Variants in NEMP2 observed in about 807,000 individuals in gnomAD.
NEMP2 encodes nuclear envelope integral membrane protein 2, also known as UPF0571 transmembrane protein.
Under a neutral mutation model 54.2 loss-of-function variants are expected in NEMP2, and 53 were observed. The ratio of observed to expected loss-of-function variants is 0.98; its 90% CI spans 0.78 to 1.23. The LOEUF is 1.23. Ranked by LOEUF, NEMP2 falls within the 50% of genes most tolerant of loss-of-function variation. The pLI is 0.00. For synonymous variants in NEMP2, 197 were observed against 190.3 expected, an observed-to-expected ratio of 1.04 and a Z score of -0.29; for missense variants, 455 against 511.3, an observed-to-expected ratio of 0.89 and a Z score of 1.06.
chr2:190,428,843 T>TTGTA, the NEMP2 span, among the ~76,000 whole-genome samples: 12 of 151,948 alleles, frequency 7.9e-5, no homozygotes, highest in Admixed American at 7.9e-4. Flanking sequence ...TGGCTAATTT[T>TTGTA]TTTAGTTTTA....
At chr2:190,461,971 A>G in the NEMP2 span, among the ~76,000 whole-genome samples, 1 of 151,984 alleles carries the variant, frequency 6.6e-6, no homozygotes, top group African/African-American at 2.4e-5. The surrounding 1 kb of genome is among the most constrained non-coding windows in gnomAD (Gnocchi z 5.5). Flanking sequence ...TTTTTTCCCT[A>G]CCACTTAAAT....
At position 190,507,910 on chromosome 2, in the gene NEMP2, T is replaced by A. The variant is rs1690232855; in HGVS notation, c.*1279A>T. 6.6e-6 allele frequency: 1 copy of A among 152,232 alleles called. No individual in the cohort carries two copies. The highest frequency in any genetic ancestry group is 6.5e-5 in the Admixed American group (1 of 15,286). The allele number at this position is 152,232 out of a possible 1,614,324, so 9.4% of individuals were successfully genotyped here. On this transcript the variant is annotated 3_prime_UTR_variant, in exon 9 of 9. Coordinates refer to ENST00000409150, the MANE Select transcript of NEMP2 (RefSeq NM_001142645.2). The surrounding 1 kb of genome is among the most constrained non-coding windows in gnomAD (Gnocchi z 4.4). ...TGATCCCATCACAGGAAAAAAAGCC[T>A]GATTTTGATTCTCAGAATCAACTTA...
intron 4 of NEMP2, 53 bp downstream of exon 4, chr2:190,518,683 G>C: frequency 7.3e-7 from 1 of 1,368,538 alleles, no homozygotes; most frequent in Non-Finnish European, 9.9e-7. Flanking sequence ...GGTCAAAAAT[G>C]ATCTAAATCC....
In NEMP2 at chr2:190,507,288, G is replaced by A. The variant is rs979911833; in HGVS notation, c.*1901C>T. On this transcript the variant is annotated 3_prime_UTR_variant, in exon 9 of 9. Coordinates refer to ENST00000409150, the MANE Select transcript of NEMP2 (RefSeq NM_001142645.2). The surrounding 1 kb of genome is among the most constrained non-coding windows in gnomAD (Gnocchi z 4.4). ...GTTTTTACTGTGATGGTTACACCTGGCTAGCTGCCCATGAAGAGCTGCTTC... is the reference window on the plus strand; with the variant it reads ...GTTTTTACTGTGATGGTTACACCTGACTAGCTGCCCATGAAGAGCTGCTTC... 1 of 152,084 alleles carries A rather than the reference G, an allele frequency of 6.6e-6. No individual in the cohort carries two copies. Among genetic ancestry groups the A allele is most frequent in the Non-Finnish European group, 1.5e-5 (1 of 68,042 alleles). The allele number at this position is 152,084 out of a possible 1,614,324, so 9.4% of individuals were successfully genotyped here.
At chr2:190,500,413 G>C, downstream of NEMP2, 1 of 617,820 alleles carries the variant, frequency 1.6e-6, no homozygotes, top group Non-Finnish European at 2.8e-6. This position sits in a 1 kb window ranked among gnomAD's most constrained non-coding sequence, Gnocchi z 5.3. Flanking sequence ...GTAAACTTTC[G>C]TAATCTCATT....
At chr2:190,596,921 ATGT>A in the NEMP2 span, among the ~76,000 whole-genome samples, 1 of 152,168 alleles carries the variant, frequency 6.6e-6, no homozygotes, top group Non-Finnish European at 1.5e-5. This position sits in a 1 kb window ranked among gnomAD's most constrained non-coding sequence, Gnocchi z 5.1. Flanking sequence ...AAGCATAAAA[ATGT>A]TGTGGGTGTT....
rs1325827144 is a variant in NEMP2, at chr2:190,521,474, C to T, written c.214-2291G>A. ...CATCCCAGCAGCAGTTCTTCCCTCT[C>T]TACGAGATTATTTCTCTCAGCATAC... On this transcript the variant is annotated intron_variant, in intron 2 of 8. Transcript: ENST00000409150. This position sits in a 1 kb window ranked among gnomAD's most constrained non-coding sequence, Gnocchi z 6.2. Among the ~76,000 whole-genome samples the T allele has an allele frequency of 6.6e-6, 1 of 152,204 alleles. No homozygotes were observed. Among genetic ancestry groups the T allele is most frequent in the Non-Finnish European group, 1.5e-5 (1 of 68,032 alleles).
chr2:190,548,067 C>G, the NEMP2 span, among the ~76,000 whole-genome samples: 12 of 152,182 alleles, frequency 7.9e-5, no homozygotes, highest in East Asian at 1.5e-3. Context: ...GCCATTAAGA[C>G]AGTGGAGCAA....
the NEMP2 span, among the ~76,000 whole-genome samples, chr2:190,620,888 A>G: frequency 6.6e-6 from 1 of 152,342 alleles, no homozygotes; most frequent in South Asian, 2.1e-4. The surrounding 1 kb of genome is among the most constrained non-coding windows in gnomAD (Gnocchi z 4.9). Context: ...TTAAAAAACT[A>G]TTGGAAGTAT....
At chr2:190,476,879 A>G in the NEMP2 span, among the ~76,000 whole-genome samples, 1 of 152,154 alleles carries the variant, frequency 6.6e-6, no homozygotes, top group Non-Finnish European at 1.5e-5. Context: ...CAGCCATAAA[A>G]AATGATGAGT....
chr2:190,557,069 C>T, the NEMP2 span, among the ~76,000 whole-genome samples: 1 of 152,182 alleles, frequency 6.6e-6, no homozygotes, highest in Non-Finnish European at 1.5e-5. Flanking sequence ...TACCTGTCTT[C>T]AGACTATACT....
chr2:190,596,859 A>T, the NEMP2 span, among the ~76,000 whole-genome samples: 3 of 152,238 alleles, frequency 2.0e-5, no homozygotes, highest in South Asian at 6.2e-4. This position sits in a 1 kb window ranked among gnomAD's most constrained non-coding sequence, Gnocchi z 5.1. Context: ...ACATTTATAC[A>T]TCCCAACATA....
chr2:190,442,400 T>A, the NEMP2 span, among the ~76,000 whole-genome samples: 7 of 151,956 alleles, frequency 4.6e-5, no homozygotes, highest in Non-Finnish European at 2.9e-5. Context: ...TAACCTGAAT[T>A]TCATCTGGAG....
rs1272332872 is a variant in NEMP2 at position 190,534,548 on chromosome 2, TC to T, written c.97+10del. The T allele has an allele frequency of 2.2e-6, 3 of 1,394,530 alleles. No individual in the cohort carries two copies. The highest frequency in any genetic ancestry group is 3.2e-5 in the Admixed American group (1 of 31,262). 86.4% of individuals were successfully genotyped at this position (1,394,530 alleles called of 1,614,324 possible). A position where few individuals can be genotyped will look rare whatever the true frequency, so the allele number is the denominator to read the frequency against. On this transcript the variant is annotated intron_variant, in intron 1 of 8. Coordinates refer to ENST00000409150, the MANE Select transcript of NEMP2 (RefSeq NM_001142645.2). ...CGCACGCGCGCGCCGCCGCCGCCGG[TC>T]CCGGGTTACCTGATAACGCTGCCGC...
chr2:190,633,528 G>C, the NEMP2 span, among the ~76,000 whole-genome samples: 2 of 151,832 alleles, frequency 1.3e-5, no homozygotes, highest in African/African-American at 4.8e-5. Flanking sequence ...TGGCCAGGCT[G>C]GTCTCAAACT....
At chr2:190,431,634 C>T in the NEMP2 span, among the ~76,000 whole-genome samples, 2 of 152,156 alleles carry the variant, frequency 1.3e-5, no homozygotes, top group African/African-American at 4.8e-5. This position sits in a 1 kb window ranked among gnomAD's most constrained non-coding sequence, Gnocchi z 4.4. Flanking sequence ...AGGGAGGTTG[C>T]AGTGAGCCGA....
At chr2:190,460,524 C>T in the NEMP2 span, among the ~76,000 whole-genome samples, 9 of 152,254 alleles carry the variant, frequency 5.9e-5, no homozygotes, top group East Asian at 9.6e-4. Flanking sequence ...TTTTCTCTTC[C>T]GTTCCGGACT....
chr2:190,477,456 TGA>T, the NEMP2 span: 5 of 758,220 alleles, frequency 6.6e-6, no homozygotes, highest in East Asian at 3.9e-4. Flanking sequence ...TAGTTTAAAA[TGA>T]GTTAGGTGGA....
chr2:190,621,364 A>T, the NEMP2 span, among the ~76,000 whole-genome samples: 1 of 152,210 alleles, frequency 6.6e-6, no homozygotes, highest in Non-Finnish European at 1.5e-5. Context: ...GCGTCTCAAC[A>T]TATTAAAACA....
Sources: gnomAD v4.1 joint callset for allele counts (sites outside exome capture counted in the v4.1 genomes callset) on GRCh38, gnomAD v4.1.1 for gene constraint, Gnocchi (gnomAD v3.1) non-coding constraint, MANE v1.5 for transcripts, NCBI Gene and HGNC (gene_info 2026-07-23, HGNC 2026-07-21) for gene names.